The following ROBO2 variants were observed in gnomAD, a reference collection of about 807,000 sequenced individuals.
ROBO2 encodes the protein roundabout guidance receptor 2.
In ROBO2, 53 loss-of-function variants were observed where a neutral mutation model predicts 160.8. The observed-to-expected ratio is 0.33, with a 90% CI of 0.26 to 0.41. The LOEUF is 0.41. ROBO2 is among the 10% of genes least tolerant of loss of function. ROBO2 has a pLI of 1.00. For synonymous variants in ROBO2, 664 were observed against 611.7 expected (o/e 1.09, Z -1.26); for missense variants, 1,577 against 1,722.4 (o/e 0.92, Z 1.49).
At chr3:77,367,401 C>A (rs966239957) in intron 2 of ROBO2, among the ~76,000 whole-genome samples, 12 of 151,956 alleles carry the variant, frequency 7.9e-5, no homozygotes, top group Admixed American at 7.2e-4. Flanking sequence ...TCCCAACCCC[C>A]GACCCAGTAG....
intron 2 of ROBO2, among the ~76,000 whole-genome samples, chr3:76,314,482 C>T (rs2071836871): frequency 6.6e-6 from 1 of 151,686 alleles, no homozygotes; most frequent in African/African-American, 2.4e-5. Context: ...ATTGAGTTCA[C>T]CCTTGAATGA....
intron 2 of ROBO2, among the ~76,000 whole-genome samples, chr3:75,955,414 C>A (rs1300488309): frequency 6.6e-6 from 1 of 151,500 alleles, no homozygotes; most frequent in Admixed American, 6.6e-5. Flanking sequence ...TAACTTCTTT[C>A]CAGGCTTTCC....
At chr3:76,815,451 A>G (rs2065581877) in intron 2 of ROBO2, among the ~76,000 whole-genome samples, 1 of 152,074 alleles carries the variant, frequency 6.6e-6, no homozygotes, top group South Asian at 2.1e-4. Flanking sequence ...AATTGAAAAA[A>G]AAAAAGTGTT....
intron 8 of ROBO2, among the ~76,000 whole-genome samples, chr3:77,555,746 A>G (rs1040080587): frequency 6.6e-6 from 1 of 151,954 alleles, no homozygotes; most frequent in Admixed American, 6.6e-5. Context: ...GAGTATTTAT[A>G]ATGCATAGTG....
At position 76,870,046 on chromosome 3, in the gene ROBO2, A is replaced by T. The variant is rs146150265; in HGVS notation, c.110-227968A>T. ...CCAGTTTCCTAGGACCTATTGCATG[A>T]GAGTGGAACTGGAGAAACTGACCAG... is the stretch of plus-strand genomic sequence containing the variant. On this transcript the variant is annotated intron_variant, in intron 2 of 26. Coordinates refer to the ROBO2 transcript ENST00000487694. Among the ~76,000 whole-genome samples the T allele has an allele frequency of 9.2e-5, 14 of 152,162 alleles. No individual in the cohort carries two copies. In the East Asian group the frequency reaches 2.5e-3, roughly 27 times the overall value.
intron 2 of ROBO2, among the ~76,000 whole-genome samples, chr3:76,025,182 TATTTA>T (rs1476417439): frequency 6.6e-6 from 1 of 151,638 alleles, no homozygotes; most frequent in Non-Finnish European, 1.5e-5. Context: ...TAATGCTAAA[TATTTA>T]AATATAGTCA....
intron 17 of ROBO2, among the ~76,000 whole-genome samples, chr3:77,593,086 T>C (rs1036199932): frequency 6.6e-6 from 1 of 152,148 alleles, no homozygotes; most frequent in African/African-American, 2.4e-5. Flanking sequence ...GCTTCTCACA[T>C]ATCTCTTGAA....
intron 2 of ROBO2, among the ~76,000 whole-genome samples, chr3:76,445,614 G>A (rs2077141362): frequency 6.6e-6 from 1 of 152,030 alleles, no homozygotes; most frequent in Admixed American, 6.6e-5. Context: ...CAATATCCCT[G>A]ATGAACATCA....
chr3:77,083,054 C>T (rs991782916), intron 1 of ROBO2, among the ~76,000 whole-genome samples: 7 of 152,018 alleles, frequency 4.6e-5, no homozygotes, highest in African/African-American at 7.2e-5. Flanking sequence ...CAAGCTACCT[C>T]GATGAAATAG....
intron 2 of ROBO2, among the ~76,000 whole-genome samples, chr3:76,227,688 G>T (rs1001268560): frequency 6.6e-6 from 1 of 152,032 alleles, no homozygotes; most frequent in Non-Finnish European, 1.5e-5. Flanking sequence ...CTACTACTTG[G>T]CTATCTAAGG....
chr3:77,190,424 G>A (rs977817460), intron 2 of ROBO2, among the ~76,000 whole-genome samples: 1 of 151,964 alleles, frequency 6.6e-6, no homozygotes, highest in African/African-American at 2.4e-5. Flanking sequence ...GATATTGTCT[G>A]AGTGCTCTAT....
chr3:76,230,056 C>G (rs149420385), intron 2 of ROBO2, among the ~76,000 whole-genome samples: 2 of 152,100 alleles, frequency 1.3e-5, no homozygotes, highest in African/African-American at 4.8e-5. Flanking sequence ...AGCAAACAAT[C>G]AAGCCTTTTC....
chr3:77,126,370 T>C (rs2075312446), intron 2 of ROBO2, among the ~76,000 whole-genome samples: 1 of 152,228 alleles, frequency 6.6e-6, no homozygotes, highest in Non-Finnish European at 1.5e-5. Context: ...TGATCCACAA[T>C]TGGCCTACTT....
chr3:76,800,253 A>G (rs1349980543), intron 2 of ROBO2, among the ~76,000 whole-genome samples: 1 of 152,196 alleles, frequency 6.6e-6, no homozygotes, highest in Non-Finnish European at 1.5e-5. Context: ...TTTAAACCTC[A>G]AACTGTAAAA....
intron 2 of ROBO2, among the ~76,000 whole-genome samples, chr3:76,779,030 A>G (rs1252365652): frequency 6.6e-6 from 1 of 151,080 alleles, no homozygotes; most frequent in African/African-American, 2.4e-5. Context: ...TAGGTAATCA[A>G]CAGAACTGTC....
chr3:75,919,228 T>G (rs1244716620), intron 1 of ROBO2, among the ~76,000 whole-genome samples: 4 of 152,216 alleles, frequency 2.6e-5, no homozygotes, highest in Admixed American at 2.6e-4. Context: ...ACCTAGTTTA[T>G]TGAGAGTTTT....
chr3:77,073,377 C>T lies in ROBO2; in HGVS notation c.62-24637C>T, dbSNP rs933534817. On this transcript the variant is annotated intron_variant, in intron 1 of 25. Transcript: ENST00000461745. ...ATTGTTTCTTAAGTCACCTGTAGGG[C>T]GAAGTAAATATGCGAGGAAATAGTC... Among the ~76,000 whole-genome samples the T allele has an allele frequency of 3.9e-5, 6 of 152,110 alleles. 1 individual carries two copies. The highest frequency in any genetic ancestry group is 4.2e-4 in the South Asian group (2 of 4,818).
chr3:77,387,071 A>C (rs1036135554), intron 2 of ROBO2, among the ~76,000 whole-genome samples: 1 of 152,048 alleles, frequency 6.6e-6, no homozygotes, highest in Non-Finnish European at 1.5e-5. Flanking sequence ...GTTAGAGTGA[A>C]ATCTTCAGCC....
At chr3:77,453,060 CGTATAGCCAA>C (rs1205533739) in intron 2 of ROBO2, among the ~76,000 whole-genome samples, 1 of 152,096 alleles carries the variant, frequency 6.6e-6, no homozygotes, top group African/African-American at 2.4e-5. Context: ...ATCACACTTC[CGTATAGCCAA>C]GTCTACTCAA....
Sources: gnomAD v4.1 joint callset for allele counts (sites outside exome capture counted in the v4.1 genomes callset) on GRCh38, gnomAD v4.1.1 for gene constraint, MANE v1.5 for transcripts, NCBI Gene and HGNC (gene_info 2026-07-23, HGNC 2026-07-21) for gene names.